The following COX7A2 variants were observed in gnomAD, a reference collection of about 807,000 sequenced individuals.
COX7A2 encodes the protein cytochrome c oxidase subunit 7A2, also known as cytochrome c oxidase subunit 7A2, mitochondrial.
Under a neutral mutation model 11.6 loss-of-function variants are expected in COX7A2, and 11 were observed. That is an observed-to-expected ratio of 0.95 (90% CI 0.60 to 1.57). The LOEUF is 1.57. COX7A2 is among the 40% of genes most tolerant of loss of function. The pLI is 0.00. For missense variants in COX7A2, 106 were observed against 100.9 expected (o/e 1.05, Z -0.22); for synonymous variants, 30 against 38.2 (o/e 0.78, Z 0.79).
chr6:75,242,093 G>A (rs1243028800), intron 1 of COX7A2, among the ~76,000 whole-genome samples: 3 of 152,054 alleles, frequency 2.0e-5, no homozygotes, highest in East Asian at 3.9e-4. Flanking sequence ...CCAGCTAATC[G>A]GGAGGCTAAG....
intron 1 of COX7A2, among the ~76,000 whole-genome samples, chr6:75,243,068 G>A (rs1192359558): frequency 6.6e-6 from 1 of 152,028 alleles, no homozygotes; most frequent in African/African-American, 2.4e-5. Context: ...TTACATTGAG[G>A]ATTTTAATGA....
upstream of COX7A2, among the ~76,000 whole-genome samples, chr6:75,246,224 C>T (rs1771679667): frequency 6.6e-6 from 1 of 152,204 alleles, no homozygotes; most frequent in South Asian, 2.1e-4. Context: ...ATGGCTAATG[C>T]GCATCTCAAA....
At chr6:75,242,406 T>C (rs1316687294) in intron 1 of COX7A2, among the ~76,000 whole-genome samples, 4 of 152,036 alleles carry the variant, frequency 2.6e-5, no homozygotes, top group African/African-American at 9.7e-5. Flanking sequence ...CTCAGGAGGC[T>C]GAGGCGGGAG....
intron 1 of COX7A2, 93 bp from the exon 2 acceptor site, chr6:75,241,358 TG>T: frequency 8.6e-7 from 1 of 1,163,340 alleles, no homozygotes; most frequent in Non-Finnish European, 1.2e-6. Flanking sequence ...AAAGGTAAAT[TG>T]AGACTTGAAG....
At chr6:75,246,519 C>T (rs184549487), upstream of COX7A2, among the ~76,000 whole-genome samples, 170 of 152,304 alleles carry the variant, frequency 1.1e-3, 1 homozygote, top group Admixed American at 0.011. Flanking sequence ...CACTATCTTC[C>T]ACACAGCAAT....
intron 2 of COX7A2, 124 bp from the exon 3 acceptor site, chr6:75,240,509 G>T: frequency 1.6e-6 from 1 of 614,110 alleles, no homozygotes; most frequent in Non-Finnish European, 2.6e-6. Flanking sequence ...AGTATTTTAA[G>T]TATTAAAATT....
At chr6:75,244,824 C>G (rs1002855318), upstream of COX7A2, among the ~76,000 whole-genome samples, 1 of 152,064 alleles carries the variant, frequency 6.6e-6, no homozygotes, top group African/African-American at 2.4e-5. Flanking sequence ...GTTACCAGTC[C>G]CAGTTAAAAT....
chr6:75,237,982 G>T lies in COX7A2; in HGVS notation c.200C>A (p.Ala67Glu). ...CACAGCCAGCTCATATATGGCATAT[G>T]CTGTTCCTAAAAATAAAAAACAAAA... The part of the protein sequence containing the change: ...ATMILTVGGT[A>E]YAIYELAVAS... Residue 67 changes from alanine (A) to glutamate (E), a missense_variant, in exon 4 of 4, where the codon GCA becomes GAA. By Grantham distance (107) the Ala-to-Glu change is moderately radical. Coordinates refer to ENST00000684430, the MANE Select transcript of COX7A2 (RefSeq NM_001366293.2). The T allele has an allele frequency of 6.5e-7, 1 of 1,543,218 alleles. No individual in the cohort carries two copies.
At chr6:75,238,813 A>C (rs2149509026) in intron 3 of COX7A2, among the ~76,000 whole-genome samples, 1 of 148,188 alleles carries the variant, frequency 6.7e-6, no homozygotes, top group Middle Eastern at 3.5e-3. Flanking sequence ...TTAGGGCTTT[A>C]TCTTTTTTTT....
intron 1 of COX7A2, among the ~76,000 whole-genome samples, chr6:75,242,327 G>A (rs142550945): frequency 1.1e-3 from 166 of 152,070 alleles, no homozygotes; most frequent in African/African-American, 3.8e-3. Flanking sequence ...CCAACATGGC[G>A]AAACCCCGTC....
At chr6:75,238,696 C>A (rs1771393538) in intron 3 of COX7A2, among the ~76,000 whole-genome samples, 1 of 73,492 alleles carries the variant, frequency 1.4e-5, no homozygotes, top group Non-Finnish European at 2.4e-5. Context: ...AAGAGCGAAA[C>A]TCCATCTCAA....
upstream of COX7A2, among the ~76,000 whole-genome samples, chr6:75,247,691 T>A (rs1387320318): frequency 1.5e-5 from 2 of 131,468 alleles, no homozygotes; most frequent in Non-Finnish European, 3.2e-5. Context: ...TAATCTCTGA[T>A]TTTTTTTTTT....
upstream of COX7A2, chr6:75,244,013 A>T: frequency 1.8e-6 from 1 of 543,868 alleles, no homozygotes; most frequent in Non-Finnish European, 3.3e-6. Context: ...AAGGCTGGGG[A>T]AAAAGCAAAC....
In COX7A2 at chr6:75,240,494, A is replaced by G. The variant is rs1307379295; in HGVS notation, c.109-109T>C. 4.5e-6 allele frequency: 3 copies of G among 673,412 alleles called. No homozygotes were observed. In the African/African-American group the frequency reaches 5.5e-5, roughly 12 times the overall value. The allele number at this position is 673,412 out of a possible 1,614,324, so 41.7% of individuals were successfully genotyped here. A position where few individuals can be genotyped will look rare whatever the true frequency, so the allele number is the denominator to read the frequency against. The stretch of plus-strand genomic sequence containing the variant: ...TGATATAGCTCCTTAAATCCCTAGA[A>G]TTAAAGTATTTTAAGTATTAAAATT... On this transcript the variant is annotated intron_variant, in intron 2 of 3. Transcript: ENST00000684430.
upstream of COX7A2, among the ~76,000 whole-genome samples, chr6:75,248,484 C>T (rs1322078973): frequency 6.6e-6 from 1 of 152,182 alleles, no homozygotes; most frequent in Non-Finnish European, 1.5e-5. Flanking sequence ...TTAAATTTAC[C>T]TATAGCCTGG....
intron 2 of COX7A2, chr6:75,240,938 C>A: frequency 2.9e-6 from 1 of 348,850 alleles, no homozygotes. Flanking sequence ...AAGCTAGAAA[C>A]CATAATAAAA....
chr6:75,248,081 C>CTTTTTTTTTTTTTTTTTTT (rs905344722), upstream of COX7A2, among the ~76,000 whole-genome samples: 6 of 10,676 alleles, frequency 5.6e-4, 2 homozygotes, highest in African/African-American at 1.8e-3. Context: ...CATCCTTTAT[C>CTTTTTTTTTTTTTTTTTTT]TTTTTTTTTT....
At chr6:75,239,919 C>T (rs915453047) in intron 3 of COX7A2, among the ~76,000 whole-genome samples, 5 of 152,060 alleles carry the variant, frequency 3.3e-5, no homozygotes, top group East Asian at 3.9e-4. Context: ...CTGACCAACA[C>T]GGAGAAACTC....
At chr6:75,246,561 G>T (rs1771685885), upstream of COX7A2, among the ~76,000 whole-genome samples, 1 of 152,150 alleles carries the variant, frequency 6.6e-6, no homozygotes, top group Non-Finnish European at 1.5e-5. Context: ...TGGATCATAT[G>T]ACTCTGCTCT....
Sources: gnomAD v4.1 joint callset for allele counts (sites outside exome capture counted in the v4.1 genomes callset) on GRCh38, gnomAD v4.1.1 for gene constraint, MANE v1.5 for transcripts, NCBI Gene and HGNC (gene_info 2026-07-23, HGNC 2026-07-21) for gene names.